FRMD4B: variants seen among roughly 807,000 people sequenced by gnomAD.
FRMD4B encodes FERM domain-containing protein 4B.
In FRMD4B, 74 loss-of-function variants were observed where a neutral mutation model predicts 141.5. That is an observed-to-expected ratio of 0.52 (90% CI 0.43 to 0.63). FRMD4B has a LOEUF of 0.63. FRMD4B is among the 30% of genes least tolerant of loss of function. The pLI, the probability that FRMD4B is intolerant of heterozygous loss-of-function variation, is 0.00. For synonymous variants in FRMD4B, 506 were observed against 467.9 expected (o/e 1.08, Z -1.05); for missense variants, 1,366 against 1,253.4 (o/e 1.09, Z -1.36).
intron 1 of FRMD4B, chr3:69,353,618 GC>G: frequency 1.0e-5 from 10 of 985,252 alleles, no homozygotes; most frequent in Non-Finnish European, 1.2e-5. Flanking sequence ...CACGTATTAA[GC>G]ACTTGTGCGG....
intron 1 of FRMD4B, chr3:69,323,117 G>C: frequency 3.4e-6 from 1 of 295,894 alleles, no homozygotes; most frequent in Non-Finnish European, 5.0e-6. Context: ...AATGAAATGA[G>C]GGAAGAGGGG....
intron 1 of FRMD4B, among the ~76,000 whole-genome samples, chr3:69,525,896 C>G (rs896655951): frequency 6.6e-6 from 1 of 151,728 alleles, no homozygotes; most frequent in African/African-American, 2.4e-5. Context: ...TGGGCTCAAT[C>G]AATCTGCCTG....
chr3:69,225,441 C>T (rs1216839525), intron 7 of FRMD4B, among the ~76,000 whole-genome samples: 1 of 142,770 alleles, frequency 7.0e-6, no homozygotes, highest in African/African-American at 2.6e-5. Flanking sequence ...TTTGGGAGGC[C>T]AAGGCGGGCA....
chr3:69,322,759 G>C (rs886906647), intron 1 of FRMD4B, among the ~76,000 whole-genome samples: 6 of 151,964 alleles, frequency 3.9e-5, no homozygotes, highest in African/African-American at 1.5e-4. Flanking sequence ...ACCACACCTG[G>C]CTAACTTTTT....
At chr3:69,193,369 G>T (rs2092861862) in intron 17 of FRMD4B, among the ~76,000 whole-genome samples, 1 of 152,160 alleles carries the variant, frequency 6.6e-6, no homozygotes, top group Admixed American at 6.5e-5. Context: ...TTAGCTAGGT[G>T]TGGTGGCGCA....
intron 1 of FRMD4B, among the ~76,000 whole-genome samples, chr3:69,507,124 C>T (rs929476302): frequency 5.9e-5 from 9 of 152,124 alleles, no homozygotes; most frequent in African/African-American, 2.2e-4. Context: ...CACCAATTAG[C>T]CTTTAATGGA....
chr3:69,536,807 C>A, intron 1 of FRMD4B: 1 of 411,400 alleles, frequency 2.4e-6, no homozygotes, highest in Non-Finnish European at 4.5e-6. Flanking sequence ...AGTGCAATGG[C>A]ACTATCACGG....
At chr3:69,277,266 T>G (rs1317299408) in intron 5 of FRMD4B, among the ~76,000 whole-genome samples, 2 of 152,140 alleles carry the variant, frequency 1.3e-5, no homozygotes, top group African/African-American at 4.8e-5. Flanking sequence ...TCCATTTTGT[T>G]ATGTTTGTTA....
intron 1 of FRMD4B, among the ~76,000 whole-genome samples, chr3:69,436,598 C>A (rs1259586840): frequency 1.3e-5 from 2 of 152,090 alleles, no homozygotes; most frequent in East Asian, 3.9e-4. Flanking sequence ...TGGGCAGATA[C>A]CCAAAAGAAT....
intron 17 of FRMD4B, among the ~76,000 whole-genome samples, chr3:69,190,464 G>T (rs919372143): frequency 9.2e-5 from 14 of 151,440 alleles, no homozygotes; most frequent in African/African-American, 3.4e-4. Flanking sequence ...GCCCAGGCTG[G>T]AGTGCAATGG....
At chr3:69,457,319 C>A (rs1044621745) in intron 1 of FRMD4B, among the ~76,000 whole-genome samples, 1 of 152,118 alleles carries the variant, frequency 6.6e-6, no homozygotes, top group Non-Finnish European at 1.5e-5. Context: ...GGTAAGGGAA[C>A]TACAAATGGC....
rs557778106 is a variant in FRMD4B, at chr3:69,297,189, C to T, written c.416+5154G>A. ...ACGGGTTGTAGTCATGATGCTTCCT[C>T]GAGTTAAGCTCTTTCTAAAGATCTA... On this transcript the variant is annotated intron_variant, in intron 4 of 22. Transcript: ENST00000398540. Among the ~76,000 whole-genome samples, 118 of 152,200 alleles carry T rather than the reference C, an allele frequency of 7.8e-4. 1 individual carries two copies. The highest frequency in any genetic ancestry group is 2.5e-3 in the African/African-American group (105 of 41,516).
At chr3:69,343,197 T>C (rs1702799646) in intron 1 of FRMD4B, among the ~76,000 whole-genome samples, 1 of 151,990 alleles carries the variant, frequency 6.6e-6, no homozygotes. Context: ...CAAGTGATCT[T>C]CCTGTCCCAA....
chr3:69,457,669 A>AT (rs80125895), intron 1 of FRMD4B, among the ~76,000 whole-genome samples: 39,331 of 152,122 alleles, frequency 0.26, 5,730 homozygotes, highest in East Asian at 0.48. Flanking sequence ...ATATTAAAAA[A>AT]TTTTTTAAAG....
chr3:69,427,813 G>A (rs1203085443), intron 2 of FRMD4B, among the ~76,000 whole-genome samples: 3 of 151,612 alleles, frequency 2.0e-5, no homozygotes, highest in African/African-American at 7.3e-5. Context: ...GTGCCACCAC[G>A]CCCAGCTAAT....
intron 1 of FRMD4B, among the ~76,000 whole-genome samples, chr3:69,476,135 T>C (rs1459790946): frequency 6.6e-6 from 1 of 151,022 alleles, no homozygotes; most frequent in Non-Finnish European, 1.5e-5. Flanking sequence ...TGTGAAAATT[T>C]TCTCCCATTT....
intron 1 of FRMD4B, among the ~76,000 whole-genome samples, chr3:69,451,884 G>T (rs1292292978): frequency 6.6e-6 from 1 of 152,224 alleles, no homozygotes; most frequent in Non-Finnish European, 1.5e-5. Context: ...GTGGCTGGTG[G>T]TGTCATGTTG....
intron 5 of FRMD4B, among the ~76,000 whole-genome samples, chr3:69,286,254 C>T (rs1398489218): frequency 2.6e-5 from 4 of 152,184 alleles, no homozygotes; most frequent in Admixed American, 2.0e-4. Context: ...ATATGTAAGA[C>T]TTTTGGTACT....
chr3:69,412,029 GCTCA>G (rs751461981), intron 2 of FRMD4B, among the ~76,000 whole-genome samples: 2 of 152,202 alleles, frequency 1.3e-5, no homozygotes, highest in Non-Finnish European at 2.9e-5. Context: ...TTTATTGAGT[GCTCA>G]CTATGTGCCA....
Sources: allele counts gnomAD v4.1 joint callset (sites outside exome capture counted in the v4.1 genomes callset), GRCh38; gene constraint gnomAD v4.1.1; transcripts MANE v1.5; gene names NCBI Gene and HGNC (gene_info 2026-07-23, HGNC 2026-07-21).